Variants in TAPBP observed in about 807,000 individuals in gnomAD.
TAPBP encodes TAP binding protein, also known as tapasin.
In TAPBP, 38 loss-of-function variants were observed where a neutral mutation model predicts 45.7. The ratio of observed to expected loss-of-function variants is 0.83; its 90% CI spans 0.64 to 1.09. TAPBP has a LOEUF of 1.09. TAPBP is among the 50% of genes least tolerant of loss of function. The pLI is 0.00. For synonymous variants in TAPBP, 226 were observed against 254.8 expected (o/e 0.89, Z 1.08); for missense variants, 513 against 587.3 (o/e 0.87, Z 1.31).
rs757601281 is a variant in TAPBP at position 33,314,016 on chromosome 6, GC to G, written c.25del (p.Ala9LeufsTer16). ...CGGGGTTCGCTCACCCAAAGCCACA[GC>G]GAGGAGCAGAGACAGGGACTTCATG... The part of the protein sequence containing the change: MKSLSLLL[A>X]VALGLATAVS... On this transcript the variant is annotated frameshift_variant, in exon 1 of 8. Transcript: ENST00000434618. LOFTEE classifies it high-confidence loss of function. 2.5e-6 allele frequency: 4 copies of G among 1,614,034 alleles called. No homozygotes were observed. The South Asian group carries it at 3.3e-5, about 13-fold the overall frequency.
rs138955103 is a variant in TAPBP at position 33,309,317 on chromosome 6, G to A, written c.469+3900C>T. Among the ~76,000 whole-genome samples the A allele has an allele frequency of 6.0e-3, 914 of 152,066 alleles. 8 individuals are homozygous for A. Among genetic ancestry groups the A allele is most frequent in the African/African-American group, 0.017 (720 of 41,482 alleles). ...GGAGAATCACTTGAACCTGGGAGGC[G>A]GAGGTTGTGGTGAGCCGAGATCATG... On this transcript the variant is annotated intron_variant, in intron 3 of 7. Transcript: ENST00000434618.
intron 7 of TAPBP, chr6:33,303,594 G>A: frequency 1.2e-6 from 1 of 814,232 alleles, no homozygotes; most frequent in Non-Finnish European, 1.8e-6. Context: ...TTCAGATAAG[G>A]GACCAGAATT....
Position 33,301,766 on chromosome 6 carries a change from T to C in TAPBP, c.1341A>G (p.Ala447=). The C allele has an allele frequency of 1.2e-6, 2 of 1,614,120 alleles. No homozygotes were observed. The change falls in exon 8 of 8, where the codon GCA becomes GCG. Residue 447 remains alanine, a synonymous_variant. Coordinates refer to ENST00000434618, the MANE Select transcript of TAPBP (RefSeq NM_003190.5). ...AGGATGGCAGTGAGTGCCCTCACTC[T>C]GCTTTCTGGAAGAGAGGAAGGTGGT... ...LSTCKDSKKK[A]E
rs145952108 is a variant in TAPBP, at chr6:33,305,301, G to A, written c.556C>T (p.Pro186Ser). ...GATGAGGCGGCCTCGGAGGTGGGGG[G>A]CATGTAGGCAAAGCTCAAGTCCAGC... ...ALLDLSFAYM[P>S]PTSEAASSLA... Residue 186 changes from proline (P) to serine (S), a missense_variant, in exon 4 of 8, where the codon CCC (proline) becomes TCC (serine). Coordinates refer to ENST00000434618, the MANE Select transcript of TAPBP (RefSeq NM_003190.5). This position sits in a 1 kb window ranked among gnomAD's most constrained non-coding sequence, Gnocchi z 4.4. 7.7e-5 allele frequency: 121 copies of A among 1,572,162 alleles called. No individual in the cohort carries two copies. In the African/African-American group the frequency reaches 1.5e-3, roughly 19 times the overall value.
chr6:33,304,008 A>G lies in TAPBP; in HGVS notation c.1301-19T>C, dbSNP rs758918099. 1.2e-6 allele frequency: 2 copies of G among 1,613,508 alleles called. No homozygotes were observed. The highest frequency in any genetic ancestry group is 2.7e-5 in the African/African-American group (2 of 74,734). On this transcript the variant is annotated intron_variant, in intron 6 of 7. Transcript: ENST00000434618. ...TAGACAGCTGTGGGGAAAGATTGAGAAGGGATGGGATGCTGGAGTGGTAGA... is the reference window on the plus strand; with the variant it reads ...TAGACAGCTGTGGGGAAAGATTGAGGAGGGATGGGATGCTGGAGTGGTAGA...
chr6:33,309,400 A>G (rs1004813491), intron 3 of TAPBP, among the ~76,000 whole-genome samples: 2 of 151,014 alleles, frequency 1.3e-5, no homozygotes, highest in South Asian at 2.1e-4. Flanking sequence ...AAAAAAATCC[A>G]TAGAATTAAT....
chr6:33,303,209 G>A (rs1444090671), intron 7 of TAPBP, among the ~76,000 whole-genome samples: 5 of 151,824 alleles, frequency 3.3e-5, no homozygotes, highest in Non-Finnish European at 7.4e-5. Context: ...ACCTGAGGTC[G>A]GGAGTTCGAG....
At chr6:33,301,792 G>A (rs1410606692) in intron 7 of TAPBP, 21 bp from the exon 8 acceptor site, 1 of 1,614,108 alleles carries the variant, frequency 6.2e-7, no homozygotes, top group South Asian at 1.1e-5. Flanking sequence ...GGAAGGTGGT[G>A]AGGAATTCAG....
chr6:33,313,029 TTA>T lies in TAPBP; in HGVS notation c.469+186_469+187del, dbSNP rs1554279208. ...GCAGTTTTTTTTTTGTTTTTTTTTTTTAACTGGGTGAGGGCTAGAAGGAGCGG... is the reference window on the plus strand; with the variant it reads ...GCAGTTTTTTTTTTGTTTTTTTTTTTACTGGGTGAGGGCTAGAAGGAGCGG... On this transcript the variant is annotated intron_variant, in intron 3 of 7. Coordinates refer to ENST00000434618, the MANE Select transcript of TAPBP (RefSeq NM_003190.5). This position sits in a 1 kb window ranked among gnomAD's most constrained non-coding sequence, Gnocchi z 7.2. The T allele has an allele frequency of 1.8e-6, 1 of 543,956 alleles. No homozygotes were observed. The highest frequency in any genetic ancestry group is 6.4e-5 in the South Asian group (1 of 15,582). The allele number at this position is 543,956 out of a possible 1,614,324, so 33.7% of individuals were successfully genotyped here.
chr6:33,304,740 T>C, intron 4 of TAPBP, 102 bp from the exon 5 acceptor site: 1 of 1,391,102 alleles, frequency 7.2e-7, no homozygotes, highest in African/African-American at 1.4e-5. Context: ...TAAAGAAGGT[T>C]AGGTTTCTTC....
chr6:33,304,772 G>C, intron 4 of TAPBP, 134 bp from the exon 5 acceptor site: 1 of 1,261,212 alleles, frequency 7.9e-7, no homozygotes, highest in Non-Finnish European at 1.1e-6. Flanking sequence ...GGAACCCACT[G>C]TCTCTCCATT....
intron 3 of TAPBP, among the ~76,000 whole-genome samples, chr6:33,308,976 C>G (rs2150967260): frequency 6.6e-6 from 1 of 151,980 alleles, no homozygotes; most frequent in African/African-American, 2.4e-5. Context: ...ATCCTAGCTT[C>G]TGAGGCCTAT....
Position 33,305,402 on chromosome 6 carries a change from G to A in TAPBP, c.470-15C>T. 1 of 1,508,584 alleles carries A rather than the reference G, an allele frequency of 6.6e-7. No individual in the cohort carries two copies. The highest frequency in any genetic ancestry group is 2.3e-5 in the East Asian group (1 of 43,736). 93.4% of individuals were successfully genotyped at this position (1,508,584 alleles called of 1,614,324 possible). A position where few individuals can be genotyped will look rare whatever the true frequency, so the allele number is the denominator to read the frequency against. ...AGTCAGTACCACTGAGGAAGACAGG[G>A]AGATGAGGGGTTGGGAGGGGCATGA... is the stretch of plus-strand genomic sequence containing the variant. On this transcript the variant is annotated splice_polypyrimidine_tract_variant and intron_variant, in intron 3 of 7. Transcript: ENST00000434618. This position sits in a 1 kb window ranked among gnomAD's most constrained non-coding sequence, Gnocchi z 4.4.
Position 33,300,229 on chromosome 6 carries a change from G to C in TAPBP, c.*1531C>G, listed in dbSNP as rs1042218454. 6.5e-6 allele frequency: 1 copy of C among 153,938 alleles called. No homozygotes were observed. The highest frequency in any genetic ancestry group is 1.5e-5 in the Non-Finnish European group (1 of 68,166). The allele number at this position is 153,938 out of a possible 1,614,324, so 9.5% of individuals were successfully genotyped here. On this transcript the variant is annotated 3_prime_UTR_variant, in exon 8 of 8. Transcript: ENST00000434618. ...GGCTCCAGCGCGGGGCGGTGGGGGGGACAAGTGAGCCAGGGCAAGAAGAAT... is the reference window on the plus strand; with the variant it reads ...GGCTCCAGCGCGGGGCGGTGGGGGGCACAAGTGAGCCAGGGCAAGAAGAAT...
chr6:33,304,506 C>T lies in TAPBP; in HGVS notation c.1001G>A (p.Gly334Asp), dbSNP rs1022611517. The T allele has an allele frequency of 9.9e-6, 16 of 1,613,156 alleles. No homozygotes were observed. Among genetic ancestry groups the T allele is most frequent in the Admixed American group, 5.0e-5 (3 of 59,926 alleles). The part of the protein sequence containing the change: ...GGLEVEWELR[G>D]GPGGRSQKAE... ...CTTCTGAGAGCGGCCCCCTGGGCCA[C>T]CCCGGAGTTCCCACTCCACCTCCAG... Residue 334 changes from glycine to aspartate, a missense_variant, in exon 5 of 8, where the codon GGT becomes GAT. Physicochemically the swap from Gly to Asp is moderately conservative, Grantham distance 94. Coordinates refer to ENST00000434618, the MANE Select transcript of TAPBP (RefSeq NM_003190.5).
At chr6:33,306,741 G>A (rs922314306) in intron 3 of TAPBP, among the ~76,000 whole-genome samples, 2 of 152,216 alleles carry the variant, frequency 1.3e-5, no homozygotes, top group African/African-American at 4.8e-5. Flanking sequence ...CACTTTGGGA[G>A]GACGAGGCGG....
At chr6:33,312,791 A>G (rs1251471778) in intron 3 of TAPBP, among the ~76,000 whole-genome samples, 1 of 152,122 alleles carries the variant, frequency 6.6e-6, no homozygotes, top group Non-Finnish European at 1.5e-5. Flanking sequence ...TGAAAGAGTG[A>G]CCCGCAAAGC....
Position 33,300,714 on chromosome 6 carries a change from C to G in TAPBP, c.*1046G>C, listed in dbSNP as rs1371445679. Reference sequence around the variant, plus strand: ...GGCGCGGTGGCTCACGCGGGTAATCCCAATACTTTGGGAGGCCGAGGCGGG... The same window carrying G: ...GGCGCGGTGGCTCACGCGGGTAATCGCAATACTTTGGGAGGCCGAGGCGGG... On this transcript the variant is annotated 3_prime_UTR_variant, in exon 8 of 8. Coordinates refer to ENST00000434618, the MANE Select transcript of TAPBP (RefSeq NM_003190.5). 1 of 149,154 alleles carries G rather than the reference C, an allele frequency of 6.7e-6. No individual in the cohort carries two copies. Among genetic ancestry groups the G allele is most frequent in the Non-Finnish European group, 1.5e-5 (1 of 67,562 alleles). 9.2% of individuals were successfully genotyped at this position (149,154 alleles called of 1,614,324 possible). A position where few individuals can be genotyped will look rare whatever the true frequency, so the allele number is the denominator to read the frequency against.
At chr6:33,301,802 G>A in intron 7 of TAPBP, 31 bp from the exon 8 acceptor site, 1 of 1,614,052 alleles carries the variant, frequency 6.2e-7, no homozygotes. Flanking sequence ...GAGGAATTCA[G>A]GATATTAAAA....
Sources: gnomAD v4.1 joint callset for allele counts (sites outside exome capture counted in the v4.1 genomes callset) on GRCh38, gnomAD v4.1.1 for gene constraint, Gnocchi (gnomAD v3.1) non-coding constraint, MANE v1.5 for transcripts, NCBI Gene and HGNC (gene_info 2026-07-23, HGNC 2026-07-21) for gene names.